The following MTRR variants were observed in gnomAD, a reference collection of about 807,000 sequenced individuals.
The protein encoded by MTRR is 5-methyltetrahydrofolate-homocysteine methyltransferase reductase.
A neutral mutation model predicts 79.2 loss-of-function variants in MTRR; 63 were observed. That is an observed-to-expected ratio of 0.80 (90% CI 0.65 to 0.98). The LOEUF is 0.98. MTRR is among the 50% of genes least tolerant of loss of function. MTRR has a pLI of 0.00. For synonymous variants in MTRR, 355 were observed against 313.3 expected, an observed-to-expected ratio of 1.13 and a Z score of -1.41; for missense variants, 895 against 839.6, an observed-to-expected ratio of 1.07 and a Z score of -0.82.
intron 1 of MTRR, 34 bp downstream of exon 1, chr5:7,869,249 C>T (rs1455699181): frequency 1.9e-6 from 3 of 1,599,970 alleles, no homozygotes; most frequent in South Asian, 2.2e-5. Flanking sequence ...TCCCGGATTC[C>T]GGCCGCTCGC....
At chr5:7,891,552 G>C in intron 10 of MTRR, 138 bp downstream of exon 10, 1 of 707,260 alleles carries the variant, frequency 1.4e-6, no homozygotes, top group Middle Eastern at 2.5e-4. Flanking sequence ...GCATAATAAA[G>C]CAGAAGAAGA....
intron 11 of MTRR, among the ~76,000 whole-genome samples, chr5:7,894,591 C>T (rs962191443): frequency 7.2e-5 from 11 of 152,338 alleles, no homozygotes; most frequent in Admixed American, 2.6e-4. Context: ...GCATGGCTAA[C>T]TCCCTTGATT....
intron 9 of MTRR, among the ~76,000 whole-genome samples, chr5:7,891,117 T>C (rs1701897692): frequency 6.6e-6 from 1 of 152,154 alleles, no homozygotes; most frequent in South Asian, 2.1e-4. Flanking sequence ...GCTTTTAAAA[T>C]TCGCCTTTGG....
rs41282641 is a variant in MTRR, at chr5:7,873,453, C to A, written c.210C>A (p.Arg70=). 1 of 1,614,146 alleles carries A rather than the reference C, an allele frequency of 6.2e-7. No homozygotes were observed. Among genetic ancestry groups the A allele is most frequent in the Non-Finnish European group, 8.5e-7 (1 of 1,180,012 alleles). ...TGTGDPPDTA[R]KFVKEIQNQT... ...CCGGAGACCCACCCGACACAGCCCG[C>A]AAGTTTGTTAAGGAAATACAGAACC... Residue 70 remains arginine (R), a synonymous_variant, in exon 3 of 15, where the codon CGC becomes CGA. Coordinates refer to ENST00000440940, the MANE Select transcript of MTRR (RefSeq NM_002454.3).
At chr5:7,860,638 T>A (rs1579529452) in intron 1 of MTRR, among the ~76,000 whole-genome samples, 1 of 152,320 alleles carries the variant, frequency 6.6e-6, no homozygotes, top group East Asian at 1.9e-4. Flanking sequence ...GGTGGTCCAC[T>A]GGGCTGGCAA....
intron 1 of MTRR, among the ~76,000 whole-genome samples, chr5:7,856,352 T>A (rs908509821): frequency 5.9e-5 from 9 of 152,180 alleles, no homozygotes; most frequent in African/African-American, 2.2e-4. Flanking sequence ...ATGTCCTTGA[T>A]GATAATTAAC....
chr5:7,872,679 G>A (rs138474463), intron 2 of MTRR, among the ~76,000 whole-genome samples: 17 of 152,246 alleles, frequency 1.1e-4, no homozygotes, highest in Non-Finnish European at 2.4e-4. Context: ...ATATTTTGCT[G>A]AAGATTTCAG....
rs2126793017 is a variant in MTRR, at chr5:7,892,719, C to G, written c.1371-8C>G. 6.2e-7 allele frequency: 1 copy of G among 1,614,150 alleles called. No homozygotes were observed. Among genetic ancestry groups the G allele is most frequent in the South Asian group, 1.1e-5 (1 of 91,082 alleles). ...TCGAGTTCAAAACTTGTCTGTGTATCTTTGCAGCTCAAGTTTATTTCACCC... is the reference window on the plus strand; with the variant it reads ...TCGAGTTCAAAACTTGTCTGTGTATGTTTGCAGCTCAAGTTTATTTCACCC... On this transcript the variant is annotated splice_region_variant and splice_polypyrimidine_tract_variant and intron_variant, in intron 10 of 14. Coordinates refer to ENST00000440940, the MANE Select transcript of MTRR (RefSeq NM_002454.3).
At chr5:7,853,414 C>A (rs1052625632) in intron 1 of MTRR, among the ~76,000 whole-genome samples, 3 of 152,192 alleles carry the variant, frequency 2.0e-5, no homozygotes, top group African/African-American at 7.2e-5. Flanking sequence ...ATTACCCAGT[C>A]TCAGGTATTT....
At chr5:7,862,938 C>T in intron 2 of MTRR, 2 of 1,613,998 alleles carry the variant, frequency 1.2e-6, no homozygotes, top group South Asian at 1.1e-5. Flanking sequence ...CAGGGGTCTC[C>T]AGGGAACAGC....
chr5:7,886,686 C>T lies in MTRR; in HGVS notation c.1129C>T (p.Arg377Ter), dbSNP rs147960130. Reference sequence around the variant, plus strand: ...CATTTTTACCTGGTGTCTTGAAATCCGAGCAATTCCTAAAAAGGTATTTTT... The same window carrying T: ...CATTTTTACCTGGTGTCTTGAAATCTGAGCAATTCCTAAAAAGGTATTTTT... Reference protein sequence around the residue: ...QFIFTWCLEIRAIPKKAFLRA... With the variant: ...QFIFTWCLEI The change falls in exon 8 of 15, where the codon CGA (arginine) becomes TGA (stop). Residue 377 changes from arginine (R) to a stop codon, truncating the protein, a stop_gained. Transcript: ENST00000440940. LOFTEE classifies it high-confidence loss of function. 10 of 1,612,108 alleles carry T rather than the reference C, an allele frequency of 6.2e-6. No homozygotes were observed. The highest frequency in any genetic ancestry group is 1.3e-5 in the African/African-American group (1 of 74,850).
At chr5:7,891,992 A>G (rs1310995168) in intron 10 of MTRR, among the ~76,000 whole-genome samples, 1 of 152,144 alleles carries the variant, frequency 6.6e-6, no homozygotes, top group Non-Finnish European at 1.5e-5. Flanking sequence ...CAGTGAGCCA[A>G]GATCGAGCCA....
At chr5:7,890,540 A>G (rs113029146) in intron 9 of MTRR, 1 of 416,498 alleles carries the variant, frequency 2.4e-6, no homozygotes, top group African/African-American at 2.2e-5. Flanking sequence ...TTACGTAGTT[A>G]TATAAAAAAA....
chr5:7,896,464 C>G (rs1738532984), intron 12 of MTRR: 2 of 242,580 alleles, frequency 8.2e-6, no homozygotes, highest in Non-Finnish European at 1.6e-5. Context: ...ATGTCTCTGT[C>G]TCATCAGTGT....
chr5:7,867,907 A>G, upstream of MTRR: 2 of 1,614,194 alleles, frequency 1.2e-6, no homozygotes, highest in Non-Finnish European at 1.7e-6. Context: ...TACAATGGGC[A>G]TGATGGAATT....
At chr5:7,868,575 G>C (rs1747245347), upstream of MTRR, among the ~76,000 whole-genome samples, 1 of 152,178 alleles carries the variant, frequency 6.6e-6, no homozygotes, top group South Asian at 2.1e-4. Flanking sequence ...TTAGAGCAAG[G>C]CAAGGGTAAA....
upstream of MTRR, chr5:7,868,962 C>G: frequency 3.9e-6 from 3 of 761,432 alleles, no homozygotes; most frequent in East Asian, 5.2e-5. Flanking sequence ...GCGCGGAGAC[C>G]CCGCGTTGAC....
chr5:7,888,473 G>A (rs1338755346), intron 8 of MTRR, among the ~76,000 whole-genome samples: 1 of 152,198 alleles, frequency 6.6e-6, no homozygotes, highest in Non-Finnish European at 1.5e-5. Context: ...CGTCCATTCA[G>A]CAGTGTTTCC....
upstream of MTRR, chr5:7,867,663 C>G (rs770611081): frequency 6.2e-7 from 1 of 1,614,140 alleles, no homozygotes; most frequent in Non-Finnish European, 8.5e-7. Context: ...TCCTTTTTTT[C>G]CACTTCACAA....
Sources: gnomAD v4.1 joint callset for allele counts (sites outside exome capture counted in the v4.1 genomes callset) on GRCh38, gnomAD v4.1.1 for gene constraint, MANE v1.5 for transcripts, NCBI Gene and HGNC (gene_info 2026-07-23, HGNC 2026-07-21) for gene names.